The following PTPRS variants were observed in gnomAD, a reference collection of about 807,000 sequenced individuals.
The protein encoded by PTPRS is protein tyrosine phosphatase receptor type S.
Under a neutral mutation model 215.3 loss-of-function variants are expected in PTPRS, and 63 were observed. The ratio of observed to expected loss-of-function variants is 0.29; its 90% confidence interval spans 0.24 to 0.36. PTPRS has a LOEUF of 0.36. Ranked by LOEUF, PTPRS falls within the 10% of genes least tolerant of loss-of-function variation. The probability of loss-of-function intolerance (pLI) is 1.00; values close to 1 mark genes in which losing one functional copy is unlikely to be tolerated. For missense variants in PTPRS, 2,258 were observed against 2,825.8 expected (o/e 0.80, Z 4.56); for synonymous variants, 1,404 against 1,191.4 (o/e 1.18, Z -3.68).
At chr19:5,298,795 CT>C (rs34451644) in intron 1 of PTPRS, among the ~76,000 whole-genome samples, 1 of 152,342 alleles carries the variant, frequency 6.6e-6, no homozygotes, top group East Asian at 1.9e-4. Flanking sequence ...TGTGTGACAC[CT>C]TCAGGCATGG....
chr19:5,324,599 G>A (rs2050122248), intron 1 of PTPRS, among the ~76,000 whole-genome samples: 1 of 152,228 alleles, frequency 6.6e-6, no homozygotes, highest in Admixed American at 6.5e-5. Context: ...AGGCCCCCAG[G>A]TGTGTCAGGA....
chr19:5,326,020 CAG>C lies in PTPRS; in HGVS notation c.-95+14642_-95+14643del, dbSNP rs1338204857. The stretch of plus-strand genomic sequence containing the variant: ...CTGGGGCAGGCAGATCACTTGAGGT[CAG>C]GAGTTCGAAACCAGCCTGGCCAACA... On this transcript the variant is annotated intron_variant, in intron 1 of 37. Coordinates refer to ENST00000262963, the MANE Select transcript of PTPRS (RefSeq NM_002850.4). 2.0e-5 allele frequency among the ~76,000 whole-genome samples: 3 copies of C among 152,158 alleles called. No individual in the cohort carries two copies. The South Asian group carries it at 6.2e-4, about 32-fold the overall frequency.
At chr19:5,279,354 A>T (rs1282130334) in intron 2 of PTPRS, among the ~76,000 whole-genome samples, 1 of 149,402 alleles carries the variant, frequency 6.7e-6, no homozygotes, top group Non-Finnish European at 1.5e-5. Context: ...TTTTATTTTT[A>T]TTTTATTTTT....
rs202163446 is a variant in PTPRS at position 5,222,722 on chromosome 19, G to T, written c.3070C>A (p.Pro1024Thr). ...CGCAGGAACGTCCGGTAGCGGACGG[G>T]GGGGCTGAAGGGGCCAGGGCCCCGG... ...TRRGPGPFSPPVRYRTFLRDQ... is the reference protein window; with the variant it reads ...TRRGPGPFSPTVRYRTFLRDQ... Residue 1024 changes from proline to threonine, a missense_variant, in exon 18 of 38, where the codon CCC becomes ACC. Physicochemically the swap from Pro to Thr is conservative, Grantham distance 38 (BLOSUM62 -1). Transcript: ENST00000262963. 4 of 1,595,560 alleles carry T rather than the reference G, an allele frequency of 2.5e-6. No individual in the cohort carries two copies. The highest frequency in any genetic ancestry group is 1.1e-5 in the South Asian group (1 of 90,768).
chr19:5,211,459 A>T, intron 33 of PTPRS, 131 bp downstream of exon 33: 2 of 850,474 alleles, frequency 2.4e-6, no homozygotes, highest in Non-Finnish European at 3.5e-6. Context: ...ATATACATCT[A>T]AAGATGTGTA....
chr19:5,226,173 G>A lies in PTPRS; in HGVS notation c.2377-329C>T, dbSNP rs577427873. Among the ~76,000 whole-genome samples, 261 of 152,294 alleles carry A rather than the reference G, an allele frequency of 1.7e-3. 2 individuals are homozygous for A. Among genetic ancestry groups the A allele is most frequent in the Admixed American group, 0.014 (211 of 15,294 alleles). ...CCTGTGAGCACTGGAGTCAGGGTCC[G>A]TCCCCGCTCTCCCCACAGCCCTCCA... On this transcript the variant is annotated intron_variant, in intron 16 of 37. Coordinates refer to ENST00000262963, the MANE Select transcript of PTPRS (RefSeq NM_002850.4).
intron 4 of PTPRS, among the ~76,000 whole-genome samples, chr19:5,267,131 G>C (rs2046460232): frequency 6.6e-6 from 1 of 152,066 alleles, no homozygotes; most frequent in Non-Finnish European, 1.5e-5. Context: ...AGTGGCACCA[G>C]GTCTCCAGCG....
intron 1 of PTPRS, among the ~76,000 whole-genome samples, chr19:5,315,963 C>T (rs1043944650): frequency 1.9e-4 from 27 of 142,226 alleles, no homozygotes; most frequent in Non-Finnish European, 3.8e-4. Flanking sequence ...GATCTGGGGC[C>T]GGGGTGGGGG....
chr19:5,313,093 T>G (rs2049760770), intron 1 of PTPRS, among the ~76,000 whole-genome samples: 1 of 152,168 alleles, frequency 6.6e-6, no homozygotes, highest in Non-Finnish European at 1.5e-5. Context: ...TTTTTTGTAT[T>G]TTTAGCAGAG....
At position 5,221,008 on chromosome 19, in the gene PTPRS, C is replaced by G; in HGVS notation, c.3447G>C (p.Val1149=). 6.2e-7 allele frequency: 1 copy of G among 1,609,502 alleles called. No homozygotes were observed. Among genetic ancestry groups the G allele is most frequent in the South Asian group, 1.1e-5 (1 of 90,564 alleles). ...CATGGGGGTGAGCATACTGGACAGG[C>G]ACGGGGCTCTGGCCGTCAGGAAGAT... ...MVYLPDGQSP[V]PVQSYFIVMV... Residue 1149 remains valine, a synonymous_variant, in exon 20 of 38, where the codon GTG becomes GTC. Coordinates refer to ENST00000262963, the MANE Select transcript of PTPRS (RefSeq NM_002850.4).
chr19:5,298,320 G>A (rs1181438853), intron 1 of PTPRS, among the ~76,000 whole-genome samples: 1 of 152,148 alleles, frequency 6.6e-6, no homozygotes, highest in African/African-American at 2.4e-5. Context: ...ACTGCATTGG[G>A]ATGTTCTCAA....
At chr19:5,308,692 T>C (rs2049584133) in intron 1 of PTPRS, among the ~76,000 whole-genome samples, 1 of 151,950 alleles carries the variant, frequency 6.6e-6, no homozygotes. Context: ...CTGGCAGCCT[T>C]GGGGGTAGGG....
intron 2 of PTPRS, chr19:5,277,866 G>A: frequency 4.4e-6 from 4 of 916,990 alleles, no homozygotes; most frequent in South Asian, 1.3e-5. Flanking sequence ...TTGACAACAG[G>A]GTTCGCAGAA....
chr19:5,242,437 T>C (rs9917068), intron 11 of PTPRS, among the ~76,000 whole-genome samples: 98,398 of 151,732 alleles, frequency 0.65, 32,028 homozygotes, highest in East Asian at 0.74. Flanking sequence ...AGGGCAGTGG[T>C]GACATTTTGG....
At position 5,212,004 on chromosome 19, in the gene PTPRS, C is replaced by T. The variant is rs779614562; in HGVS notation, c.5016G>A (p.Glu1672=). ...YAYIQKLAQV[E]PGEHVTGMEL... ...CCATGCCAGTGACGTGTTCGCCAGG[C>T]TCCACCTGGGCCAGCTTCTGGATGT... The change falls in exon 32 of 38, where the codon GAG becomes GAA. Residue 1672 remains glutamate (E), a synonymous_variant. Coordinates refer to ENST00000262963, the MANE Select transcript of PTPRS (RefSeq NM_002850.4). 6 of 1,612,702 alleles carry T rather than the reference C, an allele frequency of 3.7e-6. No homozygotes were observed. Among genetic ancestry groups the T allele is most frequent in the Non-Finnish European group, 4.2e-6 (5 of 1,179,652 alleles).
At chr19:5,318,627 G>A (rs1487010919) in intron 1 of PTPRS, among the ~76,000 whole-genome samples, 1 of 152,172 alleles carries the variant, frequency 6.6e-6, no homozygotes, top group Non-Finnish European at 1.5e-5. Flanking sequence ...ATAGACTGCA[G>A]ATATTATCTT....
At chr19:5,296,555 C>T (rs917276344) in intron 1 of PTPRS, among the ~76,000 whole-genome samples, 4 of 151,216 alleles carry the variant, frequency 2.6e-5, no homozygotes, top group African/African-American at 4.8e-5. Context: ...AGGTGACATG[C>T]GAACAAAGAC....
At chr19:5,256,073 G>T in intron 9 of PTPRS, 35 bp downstream of exon 9, 1 of 1,499,364 alleles carries the variant, frequency 6.7e-7, no homozygotes, top group Non-Finnish European at 9.2e-7. Flanking sequence ...TAAAAATGTG[G>T]GTAAAGAAAG....
At position 5,212,159 on chromosome 19, in the gene PTPRS, C is replaced by G; in HGVS notation, c.4861G>C (p.Val1621Leu). 1.2e-6 allele frequency: 2 copies of G among 1,614,072 alleles called. No individual in the cohort carries two copies. Among genetic ancestry groups the G allele is most frequent in the Non-Finnish European group, 1.7e-6 (2 of 1,180,048 alleles). ...TTGCGCTGGGACCTCATGAGCGTCA[C>G]GTGGCCATAGACATCGACTGTCTTC... Reference protein sequence around the residue: ...PEKTVDVYGHVTLMRSQRNYM... With the variant: ...PEKTVDVYGHLTLMRSQRNYM... Residue 1621 changes from valine (V) to leucine (L), a missense_variant, in exon 32 of 38, where the codon GTG (valine) becomes CTG (leucine). By Grantham distance (32) the Val-to-Leu change is conservative. This residue lies in a region of PTPRS where 927 missense variants were observed against 1,125.9 expected (regional missense o/e 0.82). Coordinates refer to ENST00000262963, the MANE Select transcript of PTPRS (RefSeq NM_002850.4).
Sources: allele counts gnomAD v4.1 joint callset (sites outside exome capture counted in the v4.1 genomes callset), GRCh38; gene constraint gnomAD v4.1.1; regional missense constraint gnomAD v4.1.1; transcripts MANE v1.5; gene names NCBI Gene and HGNC (gene_info 2026-07-23, HGNC 2026-07-21).